The following NCAM1 variants were observed in gnomAD, a reference collection of about 807,000 sequenced individuals.
NCAM1 encodes antigen recognized by monoclonal antibody 5.1H11.
In NCAM1, 14 loss-of-function variants were observed where a neutral mutation model predicts 109.8. The ratio of observed to expected loss-of-function variants is 0.13; its 90% CI spans 0.08 to 0.20. The LOEUF is 0.20. Ranked by LOEUF, NCAM1 falls within the 10% of genes least tolerant of loss-of-function variation. The pLI, the probability that NCAM1 is intolerant of heterozygous loss-of-function variation, is 1.00. For synonymous variants in NCAM1, 418 were observed against 442.9 expected, an observed-to-expected ratio of 0.94 and a Z score of 0.70; for missense variants, 774 against 1,109.9, an observed-to-expected ratio of 0.70 and a Z score of 4.30.
chr11:113,045,563 A>G (rs1204050080), intron 1 of NCAM1, among the ~76,000 whole-genome samples: 1 of 152,244 alleles, frequency 6.6e-6, no homozygotes, highest in East Asian at 1.9e-4. Context: ...CAAAATGTAA[A>G]GCAATAGAAC....
intron 16 of NCAM1, among the ~76,000 whole-genome samples, chr11:113,259,459 C>T (rs981969879): frequency 1.3e-5 from 2 of 152,166 alleles, no homozygotes; most frequent in African/African-American, 4.8e-5. Context: ...AAGAAATGTA[C>T]TTGTTTTATT....
At position 113,233,793 on chromosome 11, in the gene NCAM1, C is replaced by A. The variant is rs537181946; in HGVS notation, c.1693+476C>A. ...CAGCAGGACAAGTCTGCCCTTAAATCAGTCCTGTGCTAGCTTTCCAAGCTA... is the reference window on the plus strand; with the variant it reads ...CAGCAGGACAAGTCTGCCCTTAAATAAGTCCTGTGCTAGCTTTCCAAGCTA... On this transcript the variant is annotated intron_variant, in intron 13 of 19. Coordinates refer to ENST00000316851, the MANE Select transcript of NCAM1 (RefSeq NM_181351.5). This position sits in a 1 kb window ranked among gnomAD's most constrained non-coding sequence, Gnocchi z 4.5. Among the ~76,000 whole-genome samples the A allele has an allele frequency of 6.6e-6, 1 of 152,326 alleles. No individual in the cohort carries two copies. The highest frequency in any genetic ancestry group is 1.5e-5 in the Non-Finnish European group (1 of 68,038).
chr11:113,210,775 A>G (rs3222351), intron 7 of NCAM1, among the ~76,000 whole-genome samples: 2 of 130,886 alleles, frequency 1.5e-5, no homozygotes, highest in African/African-American at 5.8e-5. Context: ...CTTCATCACA[A>G]ACACACACAC....
chr11:113,232,912 A>G lies in NCAM1; in HGVS notation c.1522+98A>G, dbSNP rs546206062. On this transcript the variant is annotated intron_variant, in intron 12 of 19. Coordinates refer to ENST00000316851, the MANE Select transcript of NCAM1 (RefSeq NM_181351.5). ...CTTGAGTGATTCCAGGATATTGGGAAGAAGAAAGGGCCAGGGTCAGCAAAG... is the reference window on the plus strand; with the variant it reads ...CTTGAGTGATTCCAGGATATTGGGAGGAAGAAAGGGCCAGGGTCAGCAAAG... The G allele has an allele frequency of 1.1e-5, 13 of 1,193,982 alleles. No individual in the cohort carries two copies. In the African/African-American group the frequency reaches 2.0e-4, roughly 18 times the overall value. The allele number at this position is 1,193,982 out of a possible 1,614,324, so 74.0% of individuals were successfully genotyped here.
chr11:113,018,340 G>A (rs1163737684), intron 1 of NCAM1, among the ~76,000 whole-genome samples: 1 of 151,344 alleles, frequency 6.6e-6, no homozygotes, highest in Non-Finnish European at 1.5e-5. Flanking sequence ...CCTGAAAGAA[G>A]TGGGGAATGA....
intron 1 of NCAM1, among the ~76,000 whole-genome samples, chr11:113,045,017 G>C (rs1953216992): frequency 6.6e-6 from 1 of 152,194 alleles, no homozygotes; most frequent in Non-Finnish European, 1.5e-5. Context: ...GCCTCCCAAA[G>C]TGCTGGGATT....
intron 1 of NCAM1, among the ~76,000 whole-genome samples, chr11:113,105,378 C>T (rs1379162545): frequency 6.6e-6 from 1 of 152,144 alleles, no homozygotes; most frequent in African/African-American, 2.4e-5. Flanking sequence ...CATAACATAA[C>T]ATATTTCTTT....
chr11:113,263,925 C>T, intron 17 of NCAM1: 1 of 985,560 alleles, frequency 1.0e-6, no homozygotes, highest in Non-Finnish European at 1.2e-6. Context: ...TCAGTGCTTC[C>T]TGAATGCCCC....
At chr11:113,116,351 A>C (rs1940707871) in intron 1 of NCAM1, among the ~76,000 whole-genome samples, 2 of 152,138 alleles carry the variant, frequency 1.3e-5, no homozygotes, top group African/African-American at 4.8e-5. Flanking sequence ...GGGAAAGAGA[A>C]GGGTGGTGGA....
chr11:113,242,738 G>A, intron 14 of NCAM1: 1 of 1,383,138 alleles, frequency 7.2e-7, no homozygotes, highest in South Asian at 1.2e-5. Context: ...ATATAGCTAT[G>A]AGTTTAATTT....
intron 7 of NCAM1, among the ~76,000 whole-genome samples, chr11:113,214,074 G>A (rs1029751271): frequency 3.9e-5 from 6 of 152,276 alleles, no homozygotes; most frequent in African/African-American, 9.6e-5. Flanking sequence ...CCCCAAAGCC[G>A]TTTCCTCTCG....
At chr11:113,210,231 C>T (rs1188957083) in intron 7 of NCAM1, among the ~76,000 whole-genome samples, 3 of 152,090 alleles carry the variant, frequency 2.0e-5, no homozygotes, top group Non-Finnish European at 2.9e-5. Context: ...AGCAGAACAC[C>T]TATAATGTGC....
At chr11:113,209,752 T>C (rs1299478065) in intron 7 of NCAM1, among the ~76,000 whole-genome samples, 1 of 152,220 alleles carries the variant, frequency 6.6e-6, no homozygotes, top group Non-Finnish European at 1.5e-5. Flanking sequence ...CAAGCTAATG[T>C]AGATAGTCAA....
intron 17 of NCAM1, among the ~76,000 whole-genome samples, chr11:113,267,160 A>G (rs1416898235): frequency 6.6e-6 from 1 of 152,208 alleles, no homozygotes; most frequent in African/African-American, 2.4e-5. Flanking sequence ...CCTTCTGGTT[A>G]TAACACCTTT....
intron 1 of NCAM1, among the ~76,000 whole-genome samples, chr11:112,988,260 C>G (rs567372408): frequency 2.1e-4 from 32 of 152,190 alleles, no homozygotes; most frequent in African/African-American, 7.0e-4. Context: ...ATTATTACAG[C>G]TATGATTATT....
At position 112,963,455 on chromosome 11, in the gene NCAM1, T is replaced by C. The variant is rs1288597357; in HGVS notation, c.52+1791T>C. The C allele has an allele frequency of 5.3e-5, 8 of 152,074 alleles. No homozygotes were observed. The highest frequency in any genetic ancestry group is 1.7e-4 in the African/African-American group (7 of 41,394). 9.4% of individuals were successfully genotyped at this position (152,074 alleles called of 1,614,324 possible). A position where few individuals can be genotyped will look rare whatever the true frequency, so the allele number is the denominator to read the frequency against. The stretch of plus-strand genomic sequence containing the variant: ...ATCCTGGCAGGCACACCTACGCGCG[T>C]GCGCTGACCGGCCGACCGCGGGCCG... On this transcript the variant is annotated intron_variant, in intron 1 of 19. Transcript: ENST00000316851. The surrounding 1 kb of genome is among the most constrained non-coding windows in gnomAD (Gnocchi z 4.6).
At chr11:113,243,702 G>A (rs551445071) in intron 14 of NCAM1, 38 of 408,468 alleles carry the variant, frequency 9.3e-5, no homozygotes, top group South Asian at 6.3e-4. Flanking sequence ...TCAAAGCTGT[G>A]TGGGAGTTTT....
rs146936736 is a variant in NCAM1, at chr11:113,239,338, G to A, written c.1825+4174G>A. On this transcript the variant is annotated intron_variant, in intron 14 of 19. Coordinates refer to ENST00000316851, the MANE Select transcript of NCAM1 (RefSeq NM_181351.5). ...CTGTTTGCCTTGAGACGGGCTGCTT[G>A]TGTCAGACTCCTTACAACTAGCTAG... Among the ~76,000 whole-genome samples, 10 of 152,264 alleles carry A rather than the reference G, an allele frequency of 6.6e-5. No homozygotes were observed. The East Asian group carries it at 1.9e-3, about 29-fold the overall frequency.
rs905380316 is a variant in NCAM1, at chr11:113,273,439, A to G, written c.2456+1563A>G. 3 of 332,576 alleles carry G rather than the reference A, an allele frequency of 9.0e-6. No homozygotes were observed. The highest frequency in any genetic ancestry group is 6.9e-5 in the South Asian group (3 of 43,530). The allele number at this position is 332,576 out of a possible 1,614,324, so 20.6% of individuals were successfully genotyped here. A position where few individuals can be genotyped will look rare whatever the true frequency, so the allele number is the denominator to read the frequency against. On this transcript the variant is annotated intron_variant, in intron 19 of 19. Coordinates refer to ENST00000316851, the MANE Select transcript of NCAM1 (RefSeq NM_181351.5). The surrounding 1 kb of genome is among the most constrained non-coding windows in gnomAD (Gnocchi z 6.0). The stretch of plus-strand genomic sequence containing the variant: ...ACAGAAGCCCCTCAGGCCAAGCAGG[A>G]GGCTCCCAGCACCAAAGGCCCGGAC...
Sources: allele counts gnomAD v4.1 joint callset (sites outside exome capture counted in the v4.1 genomes callset), GRCh38; gene constraint gnomAD v4.1.1; non-coding constraint Gnocchi (gnomAD v3.1); transcripts MANE v1.5; gene names NCBI Gene and HGNC (gene_info 2026-07-23, HGNC 2026-07-21).